ALPK2: variants seen among roughly 807,000 people sequenced by gnomAD.
ALPK2 encodes alpha kinase 2, also known as alpha-protein kinase 2.
In ALPK2, 127 loss-of-function variants were observed where a neutral mutation model predicts 163.1. The ratio of observed to expected loss-of-function variants is 0.78; its 90% confidence interval spans 0.67 to 0.90. The LOEUF (loss-of-function observed/expected upper bound fraction) is 0.90. Among genes scored for constraint, ALPK2 ranks in the 40% least tolerant of loss-of-function variants. The pLI is 0.00. For synonymous variants in ALPK2, 953 were observed against 959.1 expected (o/e 0.99, Z 0.12); for missense variants, 2,360 against 2,589.6 (o/e 0.91, Z 1.92).
Position 58,537,711 on chromosome 18 carries a change from G to A in ALPK2, c.2476C>T (p.Pro826Ser). The A allele has an allele frequency of 1.9e-6, 3 of 1,614,080 alleles. No individual in the cohort carries two copies. The highest frequency in any genetic ancestry group is 1.6e-4 in the Middle Eastern group (1 of 6,062). The change falls in exon 5 of 13, where the codon CCA becomes TCA. Residue 826 changes from proline (P) to serine (S), a missense_variant. Coordinates refer to ENST00000361673, the MANE Select transcript of ALPK2 (RefSeq NM_052947.4). Reference sequence around the variant, plus strand: ...TCTTGAGGCGAATATTTATCAACTGGTCTCCCAACAAGAGAATCTATGGTA... The same window carrying A: ...TCTTGAGGCGAATATTTATCAACTGATCTCCCAACAAGAGAATCTATGGTA... ...FDTIDSLVGR[P>S]VDKYSPQEIC...
chr18:58,614,429 G>C (rs1257546887), intron 1 of ALPK2, among the ~76,000 whole-genome samples: 1 of 152,136 alleles, frequency 6.6e-6, no homozygotes, highest in Non-Finnish European at 1.5e-5. Flanking sequence ...ATGACATGGG[G>C]CTCCGGTTCA....
intron 10 of ALPK2, among the ~76,000 whole-genome samples, chr18:58,509,398 C>G (rs62094717): frequency 0.17 from 25,482 of 151,914 alleles, 2,219 homozygotes; most frequent in Non-Finnish European, 0.19. Context: ...GGTATATACC[C>G]AGTAATGGGA....
chr18:58,607,341 G>T lies in ALPK2; in HGVS notation c.208C>A (p.His70Asn). ...NYEFFENQYI[H>N]VLHLSCCTKN... is the part of the protein sequence containing the mutation. ...ACTTACCAAGAGAGATGTAACACAT[G>T]AATATACTGATTCTCAAAGAATTCA... is the stretch of plus-strand genomic sequence containing the variant. The change falls in exon 3 of 13, where the codon CAT (histidine) becomes AAT (asparagine). Residue 70 changes from histidine (H) to asparagine (N), a missense_variant. Coordinates refer to ENST00000361673, the MANE Select transcript of ALPK2 (RefSeq NM_052947.4). 6.2e-7 allele frequency: 1 copy of T among 1,612,528 alleles called. No homozygotes were observed. The highest frequency in any genetic ancestry group is 8.5e-7 in the Non-Finnish European group (1 of 1,179,014).
At position 58,536,459 on chromosome 18, in the gene ALPK2, G is replaced by A; in HGVS notation, c.3728C>T (p.Ala1243Val). ...GNKLKIITLE[A>V]SASEIWPPRQ... ...TGGTGGCCAGATTTCAGAAGCGGAA[G>A]CCTCTAGAGTTATAATCTTCAGCTT... Residue 1243 changes from alanine to valine, a missense_variant, in exon 5 of 13, where the codon GCT becomes GTT. Ala to Val is a moderately conservative substitution (Grantham distance 64). Transcript: ENST00000361673. The A allele has an allele frequency of 6.2e-7, 1 of 1,614,062 alleles. No homozygotes were observed.
intron 4 of ALPK2, among the ~76,000 whole-genome samples, chr18:58,557,434 T>A (rs1188133112): frequency 6.6e-6 from 1 of 151,388 alleles, no homozygotes; most frequent in Non-Finnish European, 1.5e-5. Context: ...GTGATGGTGA[T>A]GTGTCAATGT....
At chr18:58,558,863 C>A (rs2051808431) in intron 4 of ALPK2, among the ~76,000 whole-genome samples, 1 of 152,152 alleles carries the variant, frequency 6.6e-6, no homozygotes, top group African/African-American at 2.4e-5. Flanking sequence ...TACAAAATGT[C>A]CAGAACAGGC....
intron 1 of ALPK2, among the ~76,000 whole-genome samples, chr18:58,617,080 C>T (rs751831957): frequency 5.3e-5 from 8 of 152,148 alleles, no homozygotes; most frequent in South Asian, 4.1e-4. Flanking sequence ...CCTCTTCTTC[C>T]GTGTTGATGA....
intron 8 of ALPK2, among the ~76,000 whole-genome samples, chr18:58,517,803 G>A (rs7506024): frequency 0.98 from 149,673 of 152,334 alleles, 73,575 homozygotes; most frequent in East Asian, 1. Flanking sequence ...GATAAGTATA[G>A]GAAACAGGTA....
At chr18:58,566,434 G>A (rs2051853470) in intron 4 of ALPK2, 1 of 152,202 alleles carries the variant, frequency 6.6e-6, no homozygotes, top group African/African-American at 2.4e-5. Flanking sequence ...GATTGGGTTA[G>A]TTCAATGCTT....
At chr18:58,485,726 C>T (rs1167478006) in intron 12 of ALPK2, among the ~76,000 whole-genome samples, 1 of 152,222 alleles carries the variant, frequency 6.6e-6, no homozygotes, top group African/African-American at 2.4e-5. Context: ...TGAGCGCTCT[C>T]TCCCTGGTGA....
intron 4 of ALPK2, among the ~76,000 whole-genome samples, chr18:58,577,575 A>G (rs1415274589): frequency 6.6e-6 from 1 of 152,226 alleles, no homozygotes; most frequent in African/African-American, 2.4e-5. Flanking sequence ...CTTGGGCATG[A>G]AACTGTGGTC....
At chr18:58,614,666 C>T (rs1295971356) in intron 1 of ALPK2, among the ~76,000 whole-genome samples, 1 of 147,832 alleles carries the variant, frequency 6.8e-6, no homozygotes, top group Admixed American at 6.7e-5. Context: ...TCAAGCCATC[C>T]TCCCACCTCA....
chr18:58,589,888 T>C (rs1217675794), intron 3 of ALPK2, among the ~76,000 whole-genome samples: 3 of 152,166 alleles, frequency 2.0e-5, no homozygotes, highest in Non-Finnish European at 4.4e-5. Flanking sequence ...ACAGGGTTCA[T>C]AGAAGAAGAA....
intron 4 of ALPK2, among the ~76,000 whole-genome samples, chr18:58,565,766 CCTTCCTTTCTTT>C (rs1188954293): frequency 7.8e-5 from 9 of 115,054 alleles, no homozygotes; most frequent in South Asian, 5.2e-4. Flanking sequence ...TTCCTTCCTT[CCTTCCTTTCTTT>C]CTTTCTTTCT....
intron 4 of ALPK2, among the ~76,000 whole-genome samples, chr18:58,541,951 A>G (rs1273789023): frequency 6.6e-6 from 1 of 152,218 alleles, no homozygotes; most frequent in African/African-American, 2.4e-5. Context: ...TAGTTAAGTC[A>G]TTACAAAAGA....
chr18:58,565,294 G>T (rs887054302), intron 4 of ALPK2, among the ~76,000 whole-genome samples: 1 of 152,164 alleles, frequency 6.6e-6, no homozygotes, highest in African/African-American at 2.4e-5. Flanking sequence ...CTGCATCATG[G>T]CTAATGCCCT....
intron 4 of ALPK2, among the ~76,000 whole-genome samples, chr18:58,576,649 C>T (rs1183733320): frequency 2.0e-5 from 3 of 152,162 alleles, no homozygotes; most frequent in South Asian, 2.1e-4. Context: ...ACATTGTATA[C>T]GTGTGTAGAA....
chr18:58,567,091 T>G (rs886325073), intron 4 of ALPK2, among the ~76,000 whole-genome samples: 21 of 151,582 alleles, frequency 1.4e-4, no homozygotes, highest in African/African-American at 4.9e-4. Flanking sequence ...AAAATGCAGG[T>G]TCAGGCCTGC....
chr18:58,620,754 G>A (rs370946485), intron 1 of ALPK2, among the ~76,000 whole-genome samples: 13 of 152,334 alleles, frequency 8.5e-5, no homozygotes, highest in East Asian at 7.7e-4. Context: ...AATTCACTGC[G>A]GCGTTGCCTG....
Sources: gnomAD v4.1 joint callset for allele counts (sites outside exome capture counted in the v4.1 genomes callset) on GRCh38, gnomAD v4.1.1 for gene constraint, MANE v1.5 for transcripts, NCBI Gene and HGNC (gene_info 2026-07-23, HGNC 2026-07-21) for gene names.